IFT25: variants seen among roughly 807,000 people sequenced by gnomAD.
The protein encoded by IFT25 is intraflagellar transport protein 25 homolog.
the IFT25 span, chr1:53,923,528 C>T: frequency 3.4e-5 from 7 of 203,706 alleles, no homozygotes; most frequent in Non-Finnish European, 5.9e-5. Flanking sequence ...ATGAATCTCA[C>T]TTGTCCTTTC....
the IFT25 span, among the ~76,000 whole-genome samples, chr1:53,931,553 T>G: frequency 6.6e-6 from 1 of 152,248 alleles, no homozygotes; most frequent in Non-Finnish European, 1.5e-5. Context: ...CCATAATAGA[T>G]ATGAGGCTGT....
At chr1:53,912,938 AACC>A in the IFT25 span, among the ~76,000 whole-genome samples, 8 of 152,188 alleles carry the variant, frequency 5.3e-5, no homozygotes, top group Non-Finnish European at 8.8e-5. Context: ...CTGTCCCAGG[AACC>A]ACACTTTGAG....
the IFT25 span, chr1:53,940,010 G>T: frequency 1.0e-5 from 16 of 1,606,410 alleles, no homozygotes; most frequent in East Asian, 3.6e-4. Context: ...TCAGGTGGGT[G>T]TTTTTCATCA....
chr1:53,942,249 A>G, the IFT25 span, among the ~76,000 whole-genome samples: 2 of 152,234 alleles, frequency 1.3e-5, no homozygotes, highest in Non-Finnish European at 2.9e-5. Flanking sequence ...TCCATCATAC[A>G]AGGGTTGGTC....
chr1:53,944,464 G>C, the IFT25 span, among the ~76,000 whole-genome samples: 4 of 152,188 alleles, frequency 2.6e-5, no homozygotes, highest in African/African-American at 9.7e-5. Flanking sequence ...GACCAACATG[G>C]TGAAACCTCG....
the IFT25 span, among the ~76,000 whole-genome samples, chr1:53,933,221 G>A: frequency 2.4e-4 from 35 of 146,730 alleles, no homozygotes; most frequent in Non-Finnish European, 2.8e-4. Context: ...TGCAAGCTCC[G>A]CCTCCCGGGT....
At chr1:53,942,553 T>C in the IFT25 span, among the ~76,000 whole-genome samples, 5 of 152,224 alleles carry the variant, frequency 3.3e-5, no homozygotes, top group Non-Finnish European at 7.3e-5. Context: ...TATTTACTAT[T>C]TGGCCCTTTA....
chr1:53,916,776 C>A, the IFT25 span: 1 of 389,972 alleles, frequency 2.6e-6, no homozygotes, highest in South Asian at 1.3e-4. Flanking sequence ...AATGACTACT[C>A]ACCTTCACAT....
At chr1:53,939,845 T>C in the IFT25 span, 3 of 622,290 alleles carry the variant, frequency 4.8e-6, no homozygotes, top group Non-Finnish European at 8.5e-6. Context: ...TCAGAAATGG[T>C]ACCAAAAGTG....
At chr1:53,920,447 T>C in the IFT25 span, among the ~76,000 whole-genome samples, 2 of 151,920 alleles carry the variant, frequency 1.3e-5, no homozygotes, top group African/African-American at 4.8e-5. Flanking sequence ...CTGTATCCTC[T>C]TGACATTATC....
chr1:53,920,707 C>T, the IFT25 span, among the ~76,000 whole-genome samples: 1 of 152,240 alleles, frequency 6.6e-6, no homozygotes, highest in East Asian at 1.9e-4. Context: ...TGGCTCACGC[C>T]TGCAAACCCA....
chr1:53,928,342 T>C, the IFT25 span: 1,508 of 1,544,764 alleles, frequency 9.8e-4, 28 homozygotes, highest in East Asian at 0.031. Flanking sequence ...TACTCCTTCA[T>C]GCTCAGAACA....
the IFT25 span, chr1:53,939,872 C>T: frequency 1.4e-5 from 9 of 665,670 alleles, no homozygotes; most frequent in South Asian, 1.6e-4. Flanking sequence ...AGGTAATCCA[C>T]CAAACATTTA....
chr1:53,918,564 G>T, the IFT25 span, among the ~76,000 whole-genome samples: 2 of 152,172 alleles, frequency 1.3e-5, no homozygotes, highest in Non-Finnish European at 2.9e-5. Context: ...ATCTTGCCAC[G>T]TCCAGGAAAA....
At chr1:53,945,860 C>G in the IFT25 span, 6 of 148,702 alleles carry the variant, frequency 4.0e-5, no homozygotes, top group Non-Finnish European at 1.5e-5. Flanking sequence ...CCCACCCCGC[C>G]ACCGCGGCCT....
chr1:53,933,748 C>T, the IFT25 span, among the ~76,000 whole-genome samples: 1 of 152,130 alleles, frequency 6.6e-6, no homozygotes, highest in African/African-American at 2.4e-5. Context: ...GGGTATAAGT[C>T]TACCATCCTG....
the IFT25 span, among the ~76,000 whole-genome samples, chr1:53,939,288 G>A: frequency 1.5e-3 from 229 of 151,652 alleles, no homozygotes; most frequent in African/African-American, 5.3e-3. Flanking sequence ...CTACTCAAGA[G>A]GCTGAGGCAG....
the IFT25 span, among the ~76,000 whole-genome samples, chr1:53,935,621 C>A: frequency 6.0e-5 from 9 of 150,230 alleles, no homozygotes; most frequent in Admixed American, 4.0e-4. Context: ...CAAAAAAAGG[C>A]CAGAACTACT....
At chr1:53,914,874 T>C in the IFT25 span, among the ~76,000 whole-genome samples, 61 of 152,370 alleles carry the variant, frequency 4.0e-4, 1 homozygote, top group East Asian at 8.9e-3. Context: ...AAAAAATCTG[T>C]ATAAATGAGT....
Sources: gnomAD v4.1 joint callset for allele counts (sites outside exome capture counted in the v4.1 genomes callset) on GRCh38, gnomAD v4.1.1 for gene constraint, MANE v1.5 for transcripts, NCBI Gene and HGNC (gene_info 2026-07-23, HGNC 2026-07-21) for gene names.